Variants in EHBP1 observed in about 807,000 individuals in gnomAD.
EHBP1 encodes EH domain binding protein 1.
In EHBP1, 55 loss-of-function variants were observed where a neutral mutation model predicts 144.0. The observed-to-expected ratio is 0.38, with a 90% CI of 0.31 to 0.48. The LOEUF (loss-of-function observed/expected upper bound fraction) is 0.48, where lower values mean the gene tolerates loss of function less well. Among genes scored for constraint, EHBP1 ranks in the 20% least tolerant of loss-of-function variants. EHBP1 has a pLI of 0.98. For missense variants in EHBP1, 1,200 were observed against 1,364.2 expected, an observed-to-expected ratio of 0.88 and a Z score of 1.90; for synonymous variants, 469 against 472.7, an observed-to-expected ratio of 0.99 and a Z score of 0.10.
intron 2 of EHBP1, among the ~76,000 whole-genome samples, chr2:62,708,526 C>T (rs1558526459): frequency 1.3e-5 from 2 of 152,126 alleles, no homozygotes; most frequent in African/African-American, 4.8e-5. Flanking sequence ...ATTCAAGTTT[C>T]CATATCCATA....
At chr2:62,728,702 G>T (rs1238664801) in intron 2 of EHBP1, among the ~76,000 whole-genome samples, 1 of 151,214 alleles carries the variant, frequency 6.6e-6, no homozygotes, top group African/African-American at 2.4e-5. Context: ...TTACTTTCTT[G>T]GTGGTGTTTT....
At chr2:62,761,122 A>G (rs2040735062) in intron 3 of EHBP1, among the ~76,000 whole-genome samples, 1 of 152,128 alleles carries the variant, frequency 6.6e-6, no homozygotes, top group Non-Finnish European at 1.5e-5. Flanking sequence ...TTAATTGAGT[A>G]TTAAGAGTGG....
intron 3 of EHBP1, among the ~76,000 whole-genome samples, chr2:62,749,058 A>T (rs991084979): frequency 9.8e-5 from 15 of 152,318 alleles, no homozygotes; most frequent in Non-Finnish European, 2.1e-4. Flanking sequence ...ATATGTATAC[A>T]TGTGCCATGT....
chr2:62,871,579 A>G (rs1034202332), intron 9 of EHBP1, among the ~76,000 whole-genome samples: 2 of 152,212 alleles, frequency 1.3e-5, no homozygotes, highest in Non-Finnish European at 2.9e-5. Context: ...TATAGGTTCA[A>G]TGTCAGTAGC....
At chr2:62,897,824 G>A (rs1280134769) in intron 10 of EHBP1, among the ~76,000 whole-genome samples, 4 of 151,940 alleles carry the variant, frequency 2.6e-5, no homozygotes, top group Non-Finnish European at 4.4e-5. Flanking sequence ...TTTTTCTCCT[G>A]TTTCCTATAA....
rs200193138 is a variant in EHBP1, at chr2:62,993,547, C to G, written c.2751C>G (p.Leu917=). Residue 917 remains leucine (L), a synonymous_variant, in exon 17 of 23, where the codon CTC becomes CTG. Coordinates refer to ENST00000431489, the MANE Select transcript of EHBP1 (RefSeq NM_001142616.3). ...EQDMKSGTED[L]RTERLQKTTE... Reference sequence around the variant, plus strand: ...ACGTTTAGAGTGGCACAGAAGATCTCCGGACTGAACGATTACAAAAAACAA... The same window carrying G: ...ACGTTTAGAGTGGCACAGAAGATCTGCGGACTGAACGATTACAAAAAACAA... 1.3e-5 allele frequency: 21 copies of G among 1,593,218 alleles called. No homozygotes were observed. The highest frequency in any genetic ancestry group is 7.7e-6 in the Non-Finnish European group (9 of 1,166,822).
intron 7 of EHBP1, among the ~76,000 whole-genome samples, chr2:62,854,337 C>G (rs2048879578): frequency 6.6e-6 from 1 of 152,232 alleles, no homozygotes; most frequent in South Asian, 2.1e-4. Context: ...TAATTTCCTT[C>G]AAGAATTTTT....
intron 10 of EHBP1, among the ~76,000 whole-genome samples, chr2:62,936,044 A>G (rs1177309568): frequency 6.6e-6 from 1 of 152,108 alleles, no homozygotes; most frequent in African/African-American, 2.4e-5. Flanking sequence ...TTTCATTAAA[A>G]CTTTTGCCTC....
At chr2:62,919,211 G>A (rs1175569110) in intron 10 of EHBP1, among the ~76,000 whole-genome samples, 1 of 152,232 alleles carries the variant, frequency 6.6e-6, no homozygotes, top group Non-Finnish European at 1.5e-5. Flanking sequence ...CATTGTTGCT[G>A]TACTTCCCTC....
chr2:62,972,769 A>G (rs552585452), intron 14 of EHBP1, among the ~76,000 whole-genome samples: 138 of 152,314 alleles, frequency 9.1e-4, no homozygotes, highest in African/African-American at 3.2e-3. Flanking sequence ...AATTCTGTCA[A>G]TCAGGCTCAA....
intron 7 of EHBP1, among the ~76,000 whole-genome samples, chr2:62,835,882 G>T (rs1331625170): frequency 6.6e-6 from 1 of 152,158 alleles, no homozygotes; most frequent in African/African-American, 2.4e-5. Flanking sequence ...AGCAGTCTGA[G>T]ATCAAACTGC....
At chr2:62,902,517 GA>G (rs1163441209) in intron 10 of EHBP1, among the ~76,000 whole-genome samples, 1 of 151,764 alleles carries the variant, frequency 6.6e-6, no homozygotes, top group Admixed American at 6.6e-5. Context: ...GATGTTGCTT[GA>G]AAAAAATATA....
intron 9 of EHBP1, 74 bp downstream of exon 9, chr2:62,865,045 C>CCATCTAAAGGTACA: frequency 6.7e-7 from 1 of 1,482,812 alleles, no homozygotes; most frequent in Non-Finnish European, 9.2e-7. Context: ...TGTAATGTAC[C>CCATCTAAAGGTACA]TTTAGATGGG....
chr2:62,698,591 A>T (rs2034179853), intron 1 of EHBP1, among the ~76,000 whole-genome samples: 1 of 152,220 alleles, frequency 6.6e-6, no homozygotes, highest in Non-Finnish European at 1.5e-5. Flanking sequence ...ATGATGCATT[A>T]TTGGGAATAT....
intron 10 of EHBP1, among the ~76,000 whole-genome samples, chr2:62,904,478 G>T (rs1410104343): frequency 6.6e-6 from 1 of 152,152 alleles, no homozygotes; most frequent in Non-Finnish European, 1.5e-5. Context: ...TTTGCCCAAG[G>T]TTACCCCATG....
At chr2:62,730,789 AAGACAGAGATGGACAG>A (rs1282392158) in intron 2 of EHBP1, among the ~76,000 whole-genome samples, 1 of 98,822 alleles carries the variant, frequency 1.0e-5, no homozygotes, top group Admixed American at 1.2e-4. Context: ...CAGACAGAGA[AAGACAGAGATGGACAG>A]AGACAGAGAG....
At chr2:63,002,584 A>G (rs1257934179) in intron 19 of EHBP1, among the ~76,000 whole-genome samples, 1 of 152,078 alleles carries the variant, frequency 6.6e-6, no homozygotes. Flanking sequence ...GGGTTTACTT[A>G]TGGTTGTTAC....
chr2:62,790,162 A>G (rs2043078929), intron 5 of EHBP1, among the ~76,000 whole-genome samples: 1 of 152,200 alleles, frequency 6.6e-6, no homozygotes, highest in Non-Finnish European at 1.5e-5. Context: ...TGTGACATTG[A>G]ATGAAATAAA....
At chr2:62,876,370 C>T (rs2050887027) in intron 10 of EHBP1, among the ~76,000 whole-genome samples, 1 of 152,128 alleles carries the variant, frequency 6.6e-6, no homozygotes, top group African/African-American at 2.4e-5. Context: ...TTTTTGTATC[C>T]AGCCAAACTA....
Sources: allele counts gnomAD v4.1 joint callset (sites outside exome capture counted in the v4.1 genomes callset), GRCh38; gene constraint gnomAD v4.1.1; transcripts MANE v1.5; gene names NCBI Gene and HGNC (gene_info 2026-07-23, HGNC 2026-07-21).